The following PRKG1 variants were observed in gnomAD, a reference collection of about 807,000 sequenced individuals.
PRKG1 encodes the protein protein kinase cGMP-dependent 1.
In PRKG1, 35 loss-of-function variants were observed where a neutral mutation model predicts 88.1. The ratio of observed to expected loss-of-function variants is 0.40; its 90% CI spans 0.30 to 0.53. The LOEUF is 0.53. PRKG1 is among the 20% of genes least tolerant of loss of function. PRKG1 has a pLI of 0.59. For missense variants in PRKG1, 540 were observed against 839.8 expected (o/e 0.64, Z 4.41); for synonymous variants, 303 against 292.5 (o/e 1.04, Z -0.37).
At chr10:51,908,735 T>TCTATCTATATATA (rs778365205) in intron 5 of PRKG1, 1 of 77,828 alleles carries the variant, frequency 1.3e-5, no homozygotes, top group Non-Finnish European at 2.7e-5. Flanking sequence ...CTATATGTAA[T>TCTATCTATATATA]TTTTTTTTTT....
intron 7 of PRKG1, among the ~76,000 whole-genome samples, chr10:52,092,395 CTT>C (rs2133325226): frequency 6.6e-6 from 1 of 152,152 alleles, no homozygotes; most frequent in Admixed American, 6.5e-5. Context: ...TGAAAATAGA[CTT>C]TTGTGTGTGT....
intron 1 of PRKG1, among the ~76,000 whole-genome samples, chr10:51,010,138 G>A (rs753268941): frequency 7.2e-5 from 11 of 152,216 alleles, no homozygotes; most frequent in Non-Finnish European, 1.0e-4. Flanking sequence ...TTGTTTGTGC[G>A]AAGTTGTGTT....
chr10:52,008,754 C>T (rs1844804515), intron 5 of PRKG1, among the ~76,000 whole-genome samples: 1 of 152,006 alleles, frequency 6.6e-6, no homozygotes, highest in Non-Finnish European at 1.5e-5. Context: ...ACAGTTTCAA[C>T]AGGAATGTAA....
At chr10:51,672,765 A>G (rs185149074) in intron 3 of PRKG1, among the ~76,000 whole-genome samples, 75 of 152,354 alleles carry the variant, frequency 4.9e-4, no homozygotes, top group South Asian at 1.9e-3. Flanking sequence ...ACAGGTAGTA[A>G]AAATTAAAAC....
At chr10:51,549,586 G>A (rs1214103029) in intron 3 of PRKG1, among the ~76,000 whole-genome samples, 1 of 152,072 alleles carries the variant, frequency 6.6e-6, no homozygotes, top group Non-Finnish European at 1.5e-5. Flanking sequence ...CCTTATACTA[G>A]ACAGCTATTT....
intron 2 of PRKG1, among the ~76,000 whole-genome samples, chr10:51,233,576 G>A (rs1412234576): frequency 6.6e-5 from 10 of 152,100 alleles, no homozygotes; most frequent in Admixed American, 5.9e-4. Context: ...GAACCAGATG[G>A]CACTCAAAAA....
intron 9 of PRKG1, among the ~76,000 whole-genome samples, chr10:52,168,633 C>T (rs1838565940): frequency 6.6e-6 from 1 of 150,580 alleles, no homozygotes; most frequent in Admixed American, 6.6e-5. Flanking sequence ...ACATTGAAAG[C>T]AGGGAGAATA....
intron 3 of PRKG1, among the ~76,000 whole-genome samples, chr10:51,576,856 A>T (rs10823227): frequency 0.27 from 40,633 of 151,768 alleles, 7,379 homozygotes; most frequent in East Asian, 0.87. Flanking sequence ...TACTTGGGGA[A>T]TTAATGAACT....
chr10:51,281,872 C>T (rs1178726604), intron 2 of PRKG1, among the ~76,000 whole-genome samples: 3 of 152,170 alleles, frequency 2.0e-5, no homozygotes, highest in Non-Finnish European at 4.4e-5. Flanking sequence ...TGATTCTCTG[C>T]TCATTAGAGT....
At chr10:51,500,012 C>G (rs533809807) in intron 3 of PRKG1, among the ~76,000 whole-genome samples, 1 of 152,198 alleles carries the variant, frequency 6.6e-6, no homozygotes, top group South Asian at 2.1e-4. Flanking sequence ...AAAACATAAT[C>G]TTGGGCACAT....
intron 2 of PRKG1, among the ~76,000 whole-genome samples, chr10:51,306,016 C>A (rs1841027538): frequency 6.6e-6 from 1 of 152,116 alleles, no homozygotes; most frequent in African/African-American, 2.4e-5. Flanking sequence ...ATTATGTGTA[C>A]CATATGACAG....
At position 52,062,688 on chromosome 10, in the gene PRKG1, T is replaced by G. The variant is rs189945460; in HGVS notation, c.935+57T>G. 1.4e-4 allele frequency: 188 copies of G among 1,345,630 alleles called. No individual in the cohort carries two copies. The African/African-American group carries it at 2.3e-3, about 16-fold the overall frequency. 83.4% of individuals were successfully genotyped at this position (1,345,630 alleles called of 1,614,324 possible). A position where few individuals can be genotyped will look rare whatever the true frequency, so the allele number is the denominator to read the frequency against. On this transcript the variant is annotated intron_variant, in intron 7 of 17. Transcript: ENST00000373980. ...TTTGAGTGCTACATAAATTTCTGTC[T>G]GAAATTTTGAGCTCCTAGCACAATA...
At chr10:51,266,928 G>T in intron 2 of PRKG1, among the ~76,000 whole-genome samples, 1 of 151,530 alleles carries the variant, frequency 6.6e-6, no homozygotes, top group East Asian at 1.9e-4. Context: ...ACCTATCATA[G>T]GATCTGATTT....
At chr10:51,044,500 G>C (rs182977299) in intron 1 of PRKG1, among the ~76,000 whole-genome samples, 3 of 152,158 alleles carry the variant, frequency 2.0e-5, no homozygotes, top group African/African-American at 4.8e-5. Flanking sequence ...CTTTAAAAAA[G>C]TTATAGCAAA....
chr10:51,916,002 G>A (rs1013537330), intron 5 of PRKG1, among the ~76,000 whole-genome samples: 3 of 152,122 alleles, frequency 2.0e-5, no homozygotes, highest in African/African-American at 7.2e-5. Flanking sequence ...CACATAGCTG[G>A]TGAGATTGGA....
intron 14 of PRKG1, 72 bp downstream of exon 14, chr10:52,282,388 T>C: frequency 7.2e-7 from 1 of 1,396,994 alleles, no homozygotes; most frequent in Non-Finnish European, 9.6e-7. Context: ...CTTTTGTCAC[T>C]TGGATTAGAC....
In PRKG1 at chr10:52,271,346, T is replaced by A. The variant is rs781383320; in HGVS notation, c.1174-4T>A. 1.4e-5 allele frequency: 22 copies of A among 1,611,446 alleles called. No individual in the cohort carries two copies. The South Asian group carries it at 2.4e-4, about 18-fold the overall frequency. On this transcript the variant is annotated splice_region_variant and splice_polypyrimidine_tract_variant and intron_variant, in intron 10 of 17. Transcript: ENST00000373980. ...TTTCTTACTCTCTTCTCTCTTTCTTTAAGGTCCAGTTGAAAAGTGAAGAAT... is the reference window on the plus strand; with the variant it reads ...TTTCTTACTCTCTTCTCTCTTTCTTAAAGGTCCAGTTGAAAAGTGAAGAAT...
intron 5 of PRKG1, among the ~76,000 whole-genome samples, chr10:51,975,542 A>G (rs973160126): frequency 6.6e-6 from 1 of 152,132 alleles, no homozygotes; most frequent in African/African-American, 2.4e-5. Context: ...TGCTGTTCTT[A>G]TATAAGTTTA....
chr10:51,904,119 C>T (rs1842036656), intron 4 of PRKG1, among the ~76,000 whole-genome samples: 1 of 152,128 alleles, frequency 6.6e-6, no homozygotes, highest in Admixed American at 6.6e-5. Flanking sequence ...TATTATATTA[C>T]ATTCTAGTGC....
Sources: gnomAD v4.1 joint callset for allele counts (sites outside exome capture counted in the v4.1 genomes callset) on GRCh38, gnomAD v4.1.1 for gene constraint, MANE v1.5 for transcripts, NCBI Gene and HGNC (gene_info 2026-07-23, HGNC 2026-07-21) for gene names.